The following ZBTB7C variants were observed in gnomAD, a reference collection of about 807,000 sequenced individuals.
The protein encoded by ZBTB7C is zinc finger and BTB domain-containing protein 7C.
ZBTB7C carries 8 observed loss-of-function variants against 25.7 expected under a neutral mutation model. The observed-to-expected ratio is 0.31, with a 90% CI of 0.18 to 0.56. The LOEUF (loss-of-function observed/expected upper bound fraction) is 0.56, where lower values mean the gene tolerates loss of function less well. ZBTB7C is among the 20% of genes least tolerant of loss of function. ZBTB7C has a pLI of 0.91. For missense variants in ZBTB7C, 824 were observed against 855.2 expected, an observed-to-expected ratio of 0.96 and a Z score of 0.46; for synonymous variants, 394 against 369.0, an observed-to-expected ratio of 1.07 and a Z score of -0.78.
intron 1 of ZBTB7C, among the ~76,000 whole-genome samples, chr18:48,373,976 A>AAGG (rs1568409031): frequency 2.0e-5 from 3 of 148,400 alleles, no homozygotes; most frequent in African/African-American, 7.4e-5. Flanking sequence ...AAAAAAAAGC[A>AAGG]TGTGGCACCT....
chr18:48,406,835 A>T (rs1476745334), intron 1 of ZBTB7C, among the ~76,000 whole-genome samples: 1 of 152,256 alleles, frequency 6.6e-6, no homozygotes, highest in Non-Finnish European at 1.5e-5. Flanking sequence ...ACTGTATATG[A>T]CATTATAGAC....
chr18:48,144,765 T>G (rs1272437635), intron 3 of ZBTB7C, among the ~76,000 whole-genome samples: 1 of 152,132 alleles, frequency 6.6e-6, no homozygotes, highest in East Asian at 1.9e-4. Context: ...TCACTCCCGA[T>G]TGAGGGATTG....
At chr18:48,072,886 T>C (rs9963693) in intron 3 of ZBTB7C, among the ~76,000 whole-genome samples, 48,163 of 152,110 alleles carry the variant, frequency 0.32, 8,735 homozygotes, top group African/African-American at 0.5. Flanking sequence ...TTGCTGGCCT[T>C]CCCGACAGAG....
chr18:48,216,219 TG>T (rs1181902775), intron 2 of ZBTB7C, among the ~76,000 whole-genome samples: 1 of 152,232 alleles, frequency 6.6e-6, no homozygotes, highest in African/African-American at 2.4e-5. Context: ...GCTGATTTCA[TG>T]GTGGGCAGCT....
intron 2 of ZBTB7C, among the ~76,000 whole-genome samples, chr18:48,257,044 T>A (rs982180123): frequency 6.6e-6 from 1 of 151,838 alleles, no homozygotes; most frequent in Non-Finnish European, 1.5e-5. Flanking sequence ...GATCTAAACA[T>A]TATAATTAAA....
chr18:48,224,750 C>T (rs778105917), intron 2 of ZBTB7C, among the ~76,000 whole-genome samples: 2 of 152,180 alleles, frequency 1.3e-5, no homozygotes, highest in Non-Finnish European at 2.9e-5. Context: ...TCACAGTTAT[C>T]TTTCAGAGTT....
chr18:48,188,771 C>G (rs181543146), intron 2 of ZBTB7C, among the ~76,000 whole-genome samples: 2 of 152,278 alleles, frequency 1.3e-5, no homozygotes, highest in African/African-American at 4.8e-5. Flanking sequence ...ACCTGGGCTC[C>G]TATTACACTT....
chr18:48,109,268 C>G (rs79874995), intron 3 of ZBTB7C, among the ~76,000 whole-genome samples: 5,286 of 152,274 alleles, frequency 0.035, 251 homozygotes, highest in African/African-American at 0.11. Context: ...CCAGGCCAGC[C>G]CTGCCCCTGC....
chr18:48,154,847 T>C (rs565141387), intron 3 of ZBTB7C, among the ~76,000 whole-genome samples: 5 of 152,206 alleles, frequency 3.3e-5, no homozygotes, highest in African/African-American at 4.8e-5. Flanking sequence ...CACTCTGAGC[T>C]ATATTGCCAC....
intron 1 of ZBTB7C, among the ~76,000 whole-genome samples, chr18:48,368,957 A>C (rs528951876): frequency 2.0e-5 from 3 of 152,326 alleles, no homozygotes; most frequent in African/African-American, 7.2e-5. Context: ...CTTTAAACCA[A>C]AGAGAAAGAT....
intron 3 of ZBTB7C, chr18:48,137,278 G>A (rs551634376): frequency 3.0e-6 from 3 of 985,356 alleles, no homozygotes; most frequent in South Asian, 4.7e-5. Context: ...CTCACCACTC[G>A]CGCGTTACGC....
intron 3 of ZBTB7C, among the ~76,000 whole-genome samples, chr18:48,064,321 AT>A (rs2037238400): frequency 6.6e-6 from 1 of 152,182 alleles, no homozygotes; most frequent in Non-Finnish European, 1.5e-5. Context: ...TTATTTCAGG[AT>A]TTCTGGGCTA....
At chr18:48,185,740 G>T (rs1254785658) in intron 3 of ZBTB7C, among the ~76,000 whole-genome samples, 194 bp downstream of exon 3, 1 of 152,126 alleles carries the variant, frequency 6.6e-6, no homozygotes, top group Non-Finnish European at 1.5e-5. Context: ...CAGAGCCAGG[G>T]TTCAAACCAC....
chr18:48,333,930 G>A (rs1301787323), intron 2 of ZBTB7C, among the ~76,000 whole-genome samples: 1 of 152,186 alleles, frequency 6.6e-6, no homozygotes, highest in Non-Finnish European at 1.5e-5. Flanking sequence ...ACTTTGCCCT[G>A]ATTCCAGTGC....
chr18:48,179,579 G>A (rs1284548139), intron 3 of ZBTB7C, among the ~76,000 whole-genome samples: 1 of 152,160 alleles, frequency 6.6e-6, no homozygotes, highest in African/African-American at 2.4e-5. Flanking sequence ...CAGGGTGGGA[G>A]ACCATCTCGG....
At chr18:48,241,806 C>T (rs538500072) in intron 2 of ZBTB7C, among the ~76,000 whole-genome samples, 1 of 151,800 alleles carries the variant, frequency 6.6e-6, no homozygotes, top group Non-Finnish European at 1.5e-5. Flanking sequence ...ACTAGAAAAA[C>T]AAGAAGAAAC....
chr18:48,393,015 A>T (rs1398752677), intron 1 of ZBTB7C, among the ~76,000 whole-genome samples: 1 of 152,204 alleles, frequency 6.6e-6, no homozygotes, highest in African/African-American at 2.4e-5. Context: ...GACCTCAGAA[A>T]TTCGCTTCAG....
chr18:48,219,557 T>C (rs1007789392), intron 2 of ZBTB7C, among the ~76,000 whole-genome samples: 24 of 152,192 alleles, frequency 1.6e-4, no homozygotes, highest in African/African-American at 5.6e-4. Context: ...GATTCAGGCC[T>C]AGGCAGCAGG....
intron 2 of ZBTB7C, among the ~76,000 whole-genome samples, chr18:48,305,844 C>T (rs60628013): frequency 6.6e-6 from 1 of 152,316 alleles, no homozygotes; most frequent in African/African-American, 2.4e-5. Context: ...CTTGCCTACT[C>T]CCCTCAGCCC....
Sources: allele counts gnomAD v4.1 joint callset (sites outside exome capture counted in the v4.1 genomes callset), GRCh38; gene constraint gnomAD v4.1.1; transcripts MANE v1.5; gene names NCBI Gene and HGNC (gene_info 2026-07-23, HGNC 2026-07-21).